The following TBC1D8 variants were observed in gnomAD, a reference collection of about 807,000 sequenced individuals.
TBC1D8 encodes the protein BUB2-like protein 1.
In TBC1D8, 65 loss-of-function variants were observed where a neutral mutation model predicts 118.8. The observed-to-expected ratio is 0.55, with a 90% CI of 0.45 to 0.67. The LOEUF (loss-of-function observed/expected upper bound fraction) is 0.67, where lower values mean the gene tolerates loss of function less well. Ranked by LOEUF, TBC1D8 falls within the 30% of genes least tolerant of loss-of-function variation. TBC1D8 has a pLI of 0.00. For synonymous variants in TBC1D8, 566 were observed against 595.8 expected, an observed-to-expected ratio of 0.95 and a Z score of 0.73; for missense variants, 1,376 against 1,471.2, an observed-to-expected ratio of 0.94 and a Z score of 1.06.
chr2:101,117,719 G>A (rs1298750922), intron 1 of TBC1D8, among the ~76,000 whole-genome samples: 7 of 151,600 alleles, frequency 4.6e-5, no homozygotes, highest in African/African-American at 9.7e-5. Flanking sequence ...GACTACAGGC[G>A]CCCGCCACCA....
At chr2:101,137,532 T>C (rs1678909923) in intron 1 of TBC1D8, among the ~76,000 whole-genome samples, 1 of 151,244 alleles carries the variant, frequency 6.6e-6, no homozygotes, top group Non-Finnish European at 1.5e-5. Flanking sequence ...TAGGATGGTC[T>C]CGATCTCCTG....
At chr2:101,025,927 A>T (rs953373591) in intron 15 of TBC1D8, among the ~76,000 whole-genome samples, 9 of 152,232 alleles carry the variant, frequency 5.9e-5, no homozygotes, top group African/African-American at 1.9e-4. Context: ...AATTTATGTG[A>T]TTTAAAGAAT....
At chr2:101,009,606 T>A (rs1391829390) in intron 19 of TBC1D8, among the ~76,000 whole-genome samples, 4 of 152,032 alleles carry the variant, frequency 2.6e-5, no homozygotes, top group Non-Finnish European at 5.9e-5. Flanking sequence ...GTTTAACTCA[T>A]TTTGATCATA....
chr2:101,019,037 A>C (rs756097253), intron 17 of TBC1D8: 1 of 1,611,676 alleles, frequency 6.2e-7, no homozygotes, highest in Non-Finnish European at 8.5e-7. Flanking sequence ...AAGAGCCCAT[A>C]AAGGGAGCCC....
chr2:101,098,388 A>AG (rs1462584312), intron 1 of TBC1D8, among the ~76,000 whole-genome samples: 1 of 151,970 alleles, frequency 6.6e-6, no homozygotes, highest in Admixed American at 6.6e-5. Flanking sequence ...TCAAAAAAAA[A>AG]AGAGAGAGAC....
At chr2:101,126,686 AAT>A (rs1166275157) in intron 1 of TBC1D8, among the ~76,000 whole-genome samples, 1 of 152,246 alleles carries the variant, frequency 6.6e-6, no homozygotes, top group Non-Finnish European at 1.5e-5. Context: ...CTACAATGCT[AAT>A]AAGCAATAAA....
chr2:101,139,330 A>C (rs1362828082), intron 1 of TBC1D8, among the ~76,000 whole-genome samples: 12 of 151,836 alleles, frequency 7.9e-5, no homozygotes, highest in Admixed American at 3.3e-4. Context: ...AAACAACAAA[A>C]AAAAAAACAC....
chr2:101,071,478 G>T (rs1324177470), intron 2 of TBC1D8, among the ~76,000 whole-genome samples: 1 of 152,234 alleles, frequency 6.6e-6, no homozygotes, highest in African/African-American at 2.4e-5. Context: ...TGACTGGTAG[G>T]TGATATTTTC....
chr2:101,108,065 T>C (rs546180315), intron 1 of TBC1D8, among the ~76,000 whole-genome samples: 1 of 74,840 alleles, frequency 1.3e-5, no homozygotes, highest in South Asian at 4.6e-4. Flanking sequence ...CAAAAAATAA[T>C]AGAAAGAAAA....
intron 2 of TBC1D8, chr2:101,068,641 A>C: frequency 1.9e-6 from 1 of 520,390 alleles, no homozygotes; most frequent in Non-Finnish European, 3.5e-6. Flanking sequence ...AAAAGGAACA[A>C]TGGCAAATAA....
intron 5 of TBC1D8, among the ~76,000 whole-genome samples, chr2:101,050,194 G>T (rs1353073390): frequency 6.6e-6 from 1 of 152,180 alleles, no homozygotes; most frequent in East Asian, 1.9e-4. Flanking sequence ...CTGAAAACTT[G>T]AAGTCCACTG....
intron 1 of TBC1D8, among the ~76,000 whole-genome samples, chr2:101,141,079 G>C (rs2104278249): frequency 6.6e-6 from 1 of 152,136 alleles, no homozygotes; most frequent in African/African-American, 2.4e-5. Flanking sequence ...TGGATATTTA[G>C]TGTAGGCATT....
chr2:101,113,684 G>C (rs1166325133), intron 1 of TBC1D8, among the ~76,000 whole-genome samples: 2 of 152,148 alleles, frequency 1.3e-5, no homozygotes, highest in Non-Finnish European at 2.9e-5. Context: ...AGGCACTCCT[G>C]GATCAGAGAA....
At chr2:101,083,982 GA>G (rs1402705081) in intron 2 of TBC1D8, among the ~76,000 whole-genome samples, 1 of 152,194 alleles carries the variant, frequency 6.6e-6, no homozygotes, top group African/African-American at 2.4e-5. Flanking sequence ...CTTAACCCAA[GA>G]AAAGTGCACT....
At chr2:101,118,146 G>T (rs1677915743) in intron 1 of TBC1D8, among the ~76,000 whole-genome samples, 1 of 152,132 alleles carries the variant, frequency 6.6e-6, no homozygotes, top group African/African-American at 2.4e-5. Context: ...TGGCAACACA[G>T]CCAGACCGCC....
chr2:101,116,307 A>G (rs1020765470), intron 1 of TBC1D8, among the ~76,000 whole-genome samples: 5 of 152,196 alleles, frequency 3.3e-5, no homozygotes, highest in African/African-American at 1.2e-4. Context: ...GGTCTAACCT[A>G]CAGAAGTTGT....
At chr2:101,129,119 TTGTG>T (rs1437737908) in intron 1 of TBC1D8, among the ~76,000 whole-genome samples, 1 of 152,176 alleles carries the variant, frequency 6.6e-6, no homozygotes, top group Non-Finnish European at 1.5e-5. Flanking sequence ...ACCACAGTTT[TTGTG>T]TGTGTGTTTT....
At chr2:101,117,649 C>T (rs1378592981) in intron 1 of TBC1D8, among the ~76,000 whole-genome samples, 1 of 149,070 alleles carries the variant, frequency 6.7e-6, no homozygotes, top group Non-Finnish European at 1.5e-5. Context: ...TCTCGGTTCA[C>T]TGCAAGCTCT....
In TBC1D8 at chr2:101,027,059, C is replaced by A. The variant is rs148235704; in HGVS notation, c.2520+324G>T. Among the ~76,000 whole-genome samples, 788 of 152,324 alleles carry A rather than the reference C, an allele frequency of 5.2e-3. 6 individuals are homozygous for A. Among genetic ancestry groups the A allele is most frequent in the African/African-American group, 0.018 (739 of 41,562 alleles). Reference sequence around the variant, plus strand: ...GTCACCGCAGGACCCAGAGCCCGCACTCACTAGAGCAGCGGTGAGCAGAGT... The same window carrying A: ...GTCACCGCAGGACCCAGAGCCCGCAATCACTAGAGCAGCGGTGAGCAGAGT... On this transcript the variant is annotated intron_variant, in intron 15 of 19. Transcript: ENST00000409318.
Sources: allele counts gnomAD v4.1 joint callset (sites outside exome capture counted in the v4.1 genomes callset), GRCh38; gene constraint gnomAD v4.1.1; transcripts MANE v1.5; gene names NCBI Gene and HGNC (gene_info 2026-07-23, HGNC 2026-07-21).